KCNK2: variants seen among roughly 807,000 people sequenced by gnomAD.
The protein encoded by KCNK2 is potassium two pore domain channel subfamily K member 2.
Under a neutral mutation model 40.5 loss-of-function variants are expected in KCNK2, and 21 were observed. That is an observed-to-expected ratio of 0.52 (90% CI 0.37 to 0.75). The LOEUF (loss-of-function observed/expected upper bound fraction) is 0.75. Among genes scored for constraint, KCNK2 ranks in the 30% least tolerant of loss-of-function variants. The probability of loss-of-function intolerance (pLI) is 0.00; values close to 1 mark genes in which losing one functional copy is unlikely to be tolerated. For synonymous variants in KCNK2, 191 were observed against 202.2 expected, an observed-to-expected ratio of 0.94 and a Z score of 0.47; for missense variants, 399 against 531.6, an observed-to-expected ratio of 0.75 and a Z score of 2.45.
At chr1:215,164,056 T>C (rs545159708) in intron 3 of KCNK2, among the ~76,000 whole-genome samples, 2 of 151,036 alleles carry the variant, frequency 1.3e-5, no homozygotes, top group South Asian at 4.2e-4. Context: ...TCCTGGACTT[T>C]TTTCGATTGG....
At chr1:215,085,651 G>C (rs1299028343) in intron 1 of KCNK2, among the ~76,000 whole-genome samples, 2 of 152,162 alleles carry the variant, frequency 1.3e-5, no homozygotes, top group Non-Finnish European at 2.9e-5. Flanking sequence ...TTGTGCCTAG[G>C]ATTGACACAA....
At chr1:215,171,122 A>G (rs534621844) in intron 4 of KCNK2, among the ~76,000 whole-genome samples, 2 of 152,284 alleles carry the variant, frequency 1.3e-5, no homozygotes, top group African/African-American at 2.4e-5. Context: ...TTTGTGACCT[A>G]TATTTTTTAC....
chr1:215,209,476 T>TATATTATATATAATATAATATATATTA (rs1553274203), intron 6 of KCNK2, among the ~76,000 whole-genome samples: 1 of 43,194 alleles, frequency 2.3e-5, no homozygotes, highest in African/African-American at 1.0e-4. Flanking sequence ...ATAATATATA[T>TATATTATATATAATATAATATATATTA]TATATATAAT....
intron 2 of KCNK2, among the ~76,000 whole-genome samples, chr1:215,107,439 G>A (rs1042631781): frequency 2.6e-5 from 4 of 152,016 alleles, no homozygotes; most frequent in African/African-American, 9.7e-5. Context: ...ATTTTCAACA[G>A]CTGCTGCACC....
chr1:215,106,450 G>T lies in KCNK2; in HGVS notation c.358-18183G>T, dbSNP rs561831115. ...TTTAATAGGGATATTTTTTTTTCTT[G>T]ATTTAAGTTCCTTATGAATTCTGGA... On this transcript the variant is annotated intron_variant, in intron 2 of 6. Coordinates refer to ENST00000444842, the MANE Select transcript of KCNK2 (RefSeq NM_001017425.3). Among the ~76,000 whole-genome samples the T allele has an allele frequency of 3.8e-4, 58 of 150,998 alleles. 2 individuals carry two copies. In the South Asian group the frequency reaches 0.012, roughly 31 times the overall value.
chr1:215,179,119 A>G (rs765163974), intron 5 of KCNK2, among the ~76,000 whole-genome samples: 10 of 151,802 alleles, frequency 6.6e-5, no homozygotes, highest in Admixed American at 2.0e-4. Flanking sequence ...TATTTCCTCT[A>G]TATTTTTTAA....
At chr1:215,103,788 A>G (rs896923972) in intron 2 of KCNK2, among the ~76,000 whole-genome samples, 1 of 152,018 alleles carries the variant, frequency 6.6e-6, no homozygotes, top group Admixed American at 6.6e-5. Flanking sequence ...TTTATTCTCC[A>G]TTATTCAAAA....
intron 1 of KCNK2, among the ~76,000 whole-genome samples, chr1:215,007,913 C>A (rs142335176): frequency 0.01 from 1,537 of 152,104 alleles, 25 homozygotes; most frequent in South Asian, 0.074. Context: ...GTAAATTAAT[C>A]CAGGCAAATT....
At chr1:215,140,289 T>G (rs557590777) in intron 3 of KCNK2, among the ~76,000 whole-genome samples, 4 of 152,328 alleles carry the variant, frequency 2.6e-5, no homozygotes, top group Admixed American at 2.6e-4. Context: ...GTCATCTAAA[T>G]TGTTGTATCA....
chr1:215,083,322 G>A lies in KCNK2; in HGVS notation c.-64G>A, dbSNP rs947728631. ...CTGAATAAGAAGTGAGTACAATGGC[G>A]TGTTTGTAAAAAAAAGCTTCAAGTC... is the stretch of plus-strand genomic sequence containing the variant. On this transcript the variant is annotated 5_prime_UTR_variant, in exon 1 of 7. In the 5' UTR this introduces an upstream ATG that the reference lacks. Transcript: ENST00000444842. The A allele has an allele frequency of 6.2e-7, 1 of 1,613,556 alleles. No homozygotes were observed.
chr1:215,209,040 T>C (rs1665443508), intron 6 of KCNK2, among the ~76,000 whole-genome samples: 1 of 151,488 alleles, frequency 6.6e-6, no homozygotes, highest in Non-Finnish European at 1.5e-5. Context: ...TTGGCCAGGC[T>C]GGTCTCAAAC....
chr1:215,191,736 A>G (rs1435614519), intron 5 of KCNK2, among the ~76,000 whole-genome samples: 1 of 152,194 alleles, frequency 6.6e-6, no homozygotes, highest in Non-Finnish European at 1.5e-5. Context: ...TCCTATTATG[A>G]TTAGCCAGAA....
At chr1:215,134,864 G>C (rs1049417613) in intron 3 of KCNK2, among the ~76,000 whole-genome samples, 2 of 151,720 alleles carry the variant, frequency 1.3e-5, no homozygotes, top group Non-Finnish European at 2.9e-5. Context: ...GGTTTTAGGG[G>C]GCTCTGTGCC....
At chr1:215,231,839 A>C (rs1417199397) in intron 6 of KCNK2, among the ~76,000 whole-genome samples, 1 of 152,198 alleles carries the variant, frequency 6.6e-6, no homozygotes, top group Non-Finnish European at 1.5e-5. Context: ...AAGGAAGAGC[A>C]AAGGGACTTC....
intron 1 of KCNK2, among the ~76,000 whole-genome samples, chr1:215,065,082 G>A (rs1658490906): frequency 6.6e-6 from 1 of 152,186 alleles, no homozygotes; most frequent in Admixed American, 6.5e-5. Context: ...TGGGAAATTA[G>A]ACGTTATATA....
intron 6 of KCNK2, among the ~76,000 whole-genome samples, chr1:215,197,467 C>A (rs1056261510): frequency 6.6e-6 from 1 of 152,020 alleles, no homozygotes; most frequent in Non-Finnish European, 1.5e-5. Context: ...AGTGAGAGAT[C>A]GTGTGAGCAT....
Position 215,141,174 on chromosome 1 carries a change from T to G in KCNK2, c.475+16424T>G, listed in dbSNP as rs1293683522. Among the ~76,000 whole-genome samples, 3 of 152,106 alleles carry G rather than the reference T, an allele frequency of 2.0e-5. No homozygotes were observed. In the East Asian group the frequency reaches 5.8e-4, roughly 29 times the overall value. ...CTCCTATGATAACAATAACTTCTCC[T>G]AGAATATCTATTACGGTTAACGTTT... On this transcript the variant is annotated intron_variant, in intron 3 of 6. Coordinates refer to ENST00000444842, the MANE Select transcript of KCNK2 (RefSeq NM_001017425.3).
chr1:215,167,334 C>CA (rs34996326), intron 3 of KCNK2, among the ~76,000 whole-genome samples: 122 of 147,236 alleles, frequency 8.3e-4, no homozygotes, highest in South Asian at 2.2e-3. Flanking sequence ...GTAACAACGA[C>CA]AAAAAAAAAA....
At chr1:215,218,633 G>A (rs750044815) in intron 6 of KCNK2, among the ~76,000 whole-genome samples, 20 of 151,996 alleles carry the variant, frequency 1.3e-4, no homozygotes, top group African/African-American at 2.4e-4. Flanking sequence ...TGCATGCTTC[G>A]CTATCTCCAA....
Sources: gnomAD v4.1 joint callset for allele counts (sites outside exome capture counted in the v4.1 genomes callset) on GRCh38, gnomAD v4.1.1 for gene constraint, MANE v1.5 for transcripts, NCBI Gene and HGNC (gene_info 2026-07-23, HGNC 2026-07-21) for gene names.